Variants in HIPK2 observed in about 807,000 individuals in gnomAD.
HIPK2 encodes the protein homeodomain-interacting protein kinase 2.
A neutral mutation model predicts 113.7 loss-of-function variants in HIPK2; 27 were observed. The observed-to-expected ratio is 0.24, with a 90% CI of 0.17 to 0.33. HIPK2 has a LOEUF of 0.33. HIPK2 is among the 10% of genes least tolerant of loss of function. The pLI is 1.00. For missense variants in HIPK2, 1,257 were observed against 1,588.0 expected, an observed-to-expected ratio of 0.79 and a Z score of 3.54; for synonymous variants, 631 against 642.2, an observed-to-expected ratio of 0.98 and a Z score of 0.26.
intron 2 of HIPK2, among the ~76,000 whole-genome samples, chr7:139,688,109 G>T (rs981212286): frequency 6.6e-6 from 1 of 151,608 alleles, no homozygotes; most frequent in South Asian, 2.1e-4. Context: ...ACACACACAC[G>T]CAGCCCATTG....
At chr7:139,646,043 T>A (rs150015704) in intron 2 of HIPK2, among the ~76,000 whole-genome samples, 2 of 152,124 alleles carry the variant, frequency 1.3e-5, no homozygotes, top group African/African-American at 4.8e-5. Flanking sequence ...AAACCAAAGT[T>A]TGCCTTCTTG....
rs934179102 is a variant in HIPK2, at chr7:139,726,551, C to T, written c.20-9536G>A. ...ATTATGAGCACTAACGGGATATCTA[C>T]GTTGAAATGTCCAGTGTTCAGCTAT... is the stretch of plus-strand genomic sequence containing the variant. On this transcript the variant is annotated intron_variant, in intron 1 of 14. Transcript: ENST00000406875. 7.2e-5 allele frequency among the ~76,000 whole-genome samples: 11 copies of T among 152,262 alleles called. No individual in the cohort carries two copies. The East Asian group carries it at 9.6e-4, about 13-fold the overall frequency.
chr7:139,617,888 T>C (rs968010762), intron 7 of HIPK2, among the ~76,000 whole-genome samples: 7 of 152,260 alleles, frequency 4.6e-5, no homozygotes, highest in African/African-American at 1.7e-4. Flanking sequence ...AAGGAGCTCA[T>C]GTAGAAAGCT....
rs1798371627 is a variant in HIPK2, at chr7:139,573,300, T to C, written c.3224A>G (p.His1075Arg). ...TMAQAPYSFP[H>R]NSPSHGTVHP... ...CACAGTGCCGTGGCTGGGGCTGTTGTGCGGGAAGGAGTACGGAGCCTGGGC... is the reference window on the plus strand; with the variant it reads ...CACAGTGCCGTGGCTGGGGCTGTTGCGCGGGAAGGAGTACGGAGCCTGGGC... Residue 1075 changes from histidine to arginine, a missense_variant, in exon 15 of 15, where the codon CAC becomes CGC. This residue lies in a region of HIPK2 where 862 missense variants were observed against 1,004.3 expected (regional missense o/e 0.86). Coordinates refer to ENST00000406875, the MANE Select transcript of HIPK2 (RefSeq NM_022740.5). 6.2e-7 allele frequency: 1 copy of C among 1,604,972 alleles called. No individual in the cohort carries two copies. Among genetic ancestry groups the C allele is most frequent in the Non-Finnish European group, 8.5e-7 (1 of 1,179,800 alleles).
At chr7:139,648,362 T>C (rs1335005474) in intron 2 of HIPK2, among the ~76,000 whole-genome samples, 4 of 152,290 alleles carry the variant, frequency 2.6e-5, no homozygotes, top group African/African-American at 7.2e-5. Context: ...TAGAGGTTGA[T>C]AGACTTCAGA....
At chr7:139,767,566 A>G (rs541953997) in intron 1 of HIPK2, among the ~76,000 whole-genome samples, 20 of 152,346 alleles carry the variant, frequency 1.3e-4, no homozygotes, top group African/African-American at 4.3e-4. Context: ...CCCACAAAAC[A>G]TAACAGCTGT....
At chr7:139,768,697 C>T (rs963497520) in intron 1 of HIPK2, among the ~76,000 whole-genome samples, 4 of 152,134 alleles carry the variant, frequency 2.6e-5, no homozygotes, top group Admixed American at 6.5e-5. Flanking sequence ...GCAAGGGGAC[C>T]ACGAGAACCA....
chr7:139,624,830 A>C (rs1800370125), intron 6 of HIPK2, among the ~76,000 whole-genome samples: 1 of 152,202 alleles, frequency 6.6e-6, no homozygotes, highest in South Asian at 2.1e-4. Flanking sequence ...CAGAAGACTC[A>C]TCTGTCTTCT....
chr7:139,625,322 C>A (rs549089059), intron 6 of HIPK2, among the ~76,000 whole-genome samples: 76 of 152,332 alleles, frequency 5.0e-4, no homozygotes, highest in African/African-American at 1.7e-3. Flanking sequence ...GCTGCCACTG[C>A]GTTACTGACA....
At chr7:139,660,547 C>T (rs1020090879) in intron 2 of HIPK2, among the ~76,000 whole-genome samples, 3 of 152,216 alleles carry the variant, frequency 2.0e-5, no homozygotes, top group Non-Finnish European at 4.4e-5. Flanking sequence ...CCCAAAGGCC[C>T]CATCGGTTGG....
rs772954339 is a variant in HIPK2, at chr7:139,707,175, G to A, written c.1103+8757C>T. Among the ~76,000 whole-genome samples the A allele has an allele frequency of 8.5e-5, 13 of 152,334 alleles. No individual in the cohort carries two copies. In the South Asian group the frequency reaches 2.1e-3, roughly 24 times the overall value. On this transcript the variant is annotated intron_variant, in intron 2 of 14. Coordinates refer to ENST00000406875, the MANE Select transcript of HIPK2 (RefSeq NM_022740.5). ...TTACTCCTCTCAGCATCACTCTCCC[G>A]ATTCCCTTAGGCCTGTGATCATCTC...
intron 1 of HIPK2, among the ~76,000 whole-genome samples, chr7:139,774,896 A>G (rs1796714650): frequency 6.6e-6 from 1 of 152,252 alleles, no homozygotes; most frequent in Non-Finnish European, 1.5e-5. Context: ...CATGCTATTT[A>G]TAAACCTATC....
Position 139,591,021 on chromosome 7 carries a change from A to T in HIPK2, c.2717+5696T>A, listed in dbSNP as rs996864826. 5.3e-5 allele frequency among the ~76,000 whole-genome samples: 8 copies of T among 152,218 alleles called. No homozygotes were observed. The East Asian group carries it at 5.8e-4, about 11-fold the overall frequency. On this transcript the variant is annotated intron_variant, in intron 12 of 14. Coordinates refer to ENST00000406875, the MANE Select transcript of HIPK2 (RefSeq NM_022740.5). Reference sequence around the variant, plus strand: ...CACTGTGCCTGGGGAATTTAAAAAAATTTTTTGTAGAGACAGGGTCTTGCT... The same window carrying T: ...CACTGTGCCTGGGGAATTTAAAAAATTTTTTTGTAGAGACAGGGTCTTGCT...
At chr7:139,592,924 C>T (rs1401263359) in intron 12 of HIPK2, among the ~76,000 whole-genome samples, 1 of 152,226 alleles carries the variant, frequency 6.6e-6, no homozygotes, top group Non-Finnish European at 1.5e-5. Context: ...TGGCTCTTCC[C>T]TGCCCTTCTT....
chr7:139,628,532 C>A (rs2116881265), intron 5 of HIPK2, among the ~76,000 whole-genome samples: 1 of 150,426 alleles, frequency 6.6e-6, no homozygotes, highest in East Asian at 2.0e-4. Flanking sequence ...CTCCTGGGTT[C>A]AAGTGATTCT....
At chr7:139,573,692 A>C (rs983525399) in intron 14 of HIPK2, among the ~76,000 whole-genome samples, 3 of 151,986 alleles carry the variant, frequency 2.0e-5, no homozygotes, top group Non-Finnish European at 4.4e-5. Context: ...AATACAAAAA[A>C]ATTAGCCGGG....
At chr7:139,682,013 G>A (rs1046912236) in intron 2 of HIPK2, among the ~76,000 whole-genome samples, 4 of 152,260 alleles carry the variant, frequency 2.6e-5, no homozygotes, top group South Asian at 2.1e-4. Context: ...CCTGTTACTC[G>A]TGCACGGCTT....
intron 2 of HIPK2, among the ~76,000 whole-genome samples, chr7:139,652,825 G>A (rs1585331054): frequency 6.6e-6 from 1 of 152,106 alleles, no homozygotes; most frequent in East Asian, 1.9e-4. Flanking sequence ...CATTAACGAA[G>A]GTACAGAGGC....
intron 1 of HIPK2, 97 bp downstream of exon 1, chr7:139,777,508 C>G: frequency 4.8e-6 from 2 of 416,330 alleles, no homozygotes; most frequent in Non-Finnish European, 6.5e-6. Flanking sequence ...CTGGGGCAGG[C>G]GCCGGGGGCT....
Sources: gnomAD v4.1 joint callset for allele counts (sites outside exome capture counted in the v4.1 genomes callset) on GRCh38, gnomAD v4.1.1 for gene constraint, gnomAD v4.1.1 regional missense constraint, MANE v1.5 for transcripts, NCBI Gene and HGNC (gene_info 2026-07-23, HGNC 2026-07-21) for gene names.